AFG3L2: variants seen among roughly 807,000 people sequenced by gnomAD.
AFG3L2 encodes the protein mitochondrial inner membrane m-AAA protease component AFG3L2.
Under a neutral mutation model 94.5 loss-of-function variants are expected in AFG3L2, and 54 were observed. The observed-to-expected ratio is 0.57, with a 90% confidence interval of 0.46 to 0.72. The LOEUF (loss-of-function observed/expected upper bound fraction) is 0.72, where lower values mean the gene tolerates loss of function less well. AFG3L2 is among the 30% of genes least tolerant of loss of function. The pLI is 0.00. For missense variants in AFG3L2, 754 were observed against 994.9 expected (o/e 0.76, Z 3.26); for synonymous variants, 377 against 365.5 (o/e 1.03, Z -0.36).
chr18:12,333,003 A>AAAT (rs1469459397), intron 16 of AFG3L2, among the ~76,000 whole-genome samples: 2 of 62,464 alleles, frequency 3.2e-5, no homozygotes, highest in Non-Finnish European at 7.2e-5. Context: ...TAAATTATAT[A>AAAT]TAATATAAAA....
chr18:12,332,014 A>G (rs1204367945), intron 16 of AFG3L2, among the ~76,000 whole-genome samples: 2 of 152,050 alleles, frequency 1.3e-5, no homozygotes, highest in Non-Finnish European at 2.9e-5. Context: ...GAGTACACAC[A>G]TGGAAGTGTG....
At chr18:12,333,726 T>C (rs1363698653) in intron 16 of AFG3L2, among the ~76,000 whole-genome samples, 2 of 152,192 alleles carry the variant, frequency 1.3e-5, no homozygotes, top group African/African-American at 4.8e-5. Flanking sequence ...CATTCCTTTC[T>C]TCATGCTGAA....
chr18:12,355,933 A>G (rs1908480255), intron 9 of AFG3L2, among the ~76,000 whole-genome samples: 1 of 151,974 alleles, frequency 6.6e-6, no homozygotes, highest in Non-Finnish European at 1.5e-5. Flanking sequence ...TGGCCTCCCA[A>G]AGTGCTGGGA....
At chr18:12,360,913 T>G (rs956926265) in intron 6 of AFG3L2, among the ~76,000 whole-genome samples, 2 of 152,178 alleles carry the variant, frequency 1.3e-5, no homozygotes, top group African/African-American at 4.8e-5. Context: ...GACACTGATT[T>G]TAACAGCTCA....
At chr18:12,376,462 T>A (rs184753023) in intron 1 of AFG3L2, among the ~76,000 whole-genome samples, 10 of 152,288 alleles carry the variant, frequency 6.6e-5, no homozygotes, top group African/African-American at 2.4e-4. Context: ...GAGTCCCTGC[T>A]ATGAAAAGGT....
Position 12,351,162 on chromosome 18 carries a change from C to A in AFG3L2, c.1475G>T (p.Arg492Leu). ...CAGGGTACTGTCCAGTTTTAGCGGT[C>A]GGAGATGAACTTTGAAAATAGAAGC... Reference protein sequence around the residue: ...GRASIFKVHLRPLKLDSTLEK... With the variant: ...GRASIFKVHLLPLKLDSTLEK... The change falls in exon 12 of 17, where the codon CGA (arginine) becomes CTA (leucine). Residue 492 changes from arginine to leucine, a missense_variant. Arg to Leu is a moderately radical substitution (Grantham distance 102). Transcript: ENST00000269143. 2 of 1,613,926 alleles carry A rather than the reference C, an allele frequency of 1.2e-6. No homozygotes were observed. The highest frequency in any genetic ancestry group is 2.7e-5 in the African/African-American group (2 of 74,970).
intron 5 of AFG3L2, among the ~76,000 whole-genome samples, chr18:12,366,194 C>T (rs1427852439): frequency 1.3e-5 from 2 of 152,122 alleles, no homozygotes; most frequent in Non-Finnish European, 2.9e-5. Context: ...AATTCTAAGA[C>T]ACACATTTTT....
Position 12,366,920 on chromosome 18 carries a change from T to A in AFG3L2, c.552+45A>T. On this transcript the variant is annotated intron_variant, in intron 5 of 16. Transcript: ENST00000269143. The stretch of plus-strand genomic sequence containing the variant: ...ACTTCTTTGGTCTAATCTGATGAAT[T>A]TCACCTTTGAACCACAACAGCCACC... The A allele has an allele frequency of 5.6e-6, 9 of 1,609,582 alleles. No homozygotes were observed. The Middle Eastern group carries it at 9.9e-4, about 177-fold the overall frequency.
At chr18:12,357,515 C>T (rs901388482) in intron 8 of AFG3L2, among the ~76,000 whole-genome samples, 1 of 151,994 alleles carries the variant, frequency 6.6e-6, no homozygotes, top group African/African-American at 2.4e-5. Context: ...TGCTTATTTT[C>T]TTCTTTAAAA....
rs1057524515 is a variant in AFG3L2, at chr18:12,340,401, C to T, written c.1780G>A (p.Val594Ile). Residue 594 changes from valine (V) to isoleucine (I), a missense_variant and splice_region_variant, in exon 15 of 17, where the codon GTA becomes ATA. Val to Ile is a conservative substitution (Grantham distance 29). Transcript: ENST00000269143. ...CCTTTGCCACGTGGGATGATGGATA[C>T]CTGGTAAGTAGAAAACAGTGTTGAA... ...YLEHADPLLK[V>I]SIIPRGKGLG... The T allele has an allele frequency of 1.9e-6, 3 of 1,611,904 alleles. 1 individual carries two copies. The highest frequency in any genetic ancestry group is 2.2e-5 in the South Asian group (2 of 91,024).
intron 5 of AFG3L2, among the ~76,000 whole-genome samples, chr18:12,364,747 C>T (rs1908757665): frequency 6.6e-6 from 1 of 152,084 alleles, no homozygotes; most frequent in Non-Finnish European, 1.5e-5. Context: ...CTCACTGCAG[C>T]CTCAACTTCT....
intron 7 of AFG3L2, 117 bp from the exon 8 acceptor site, chr18:12,359,060 T>A: frequency 7.0e-7 from 1 of 1,422,340 alleles, no homozygotes; most frequent in Non-Finnish European, 9.7e-7. Flanking sequence ...CTTCTGCACT[T>A]AATACAAAGG....
chr18:12,375,065 A>C (rs1194544188), intron 1 of AFG3L2, among the ~76,000 whole-genome samples: 1 of 151,414 alleles, frequency 6.6e-6, no homozygotes, highest in Admixed American at 6.6e-5. Context: ...CAAAAAAAAA[A>C]AAAAAAGAAA....
Position 12,367,607 on chromosome 18 carries a change from C to T in AFG3L2, c.293-225G>A, listed in dbSNP as rs73401932. Among the ~76,000 whole-genome samples the T allele has an allele frequency of 0.034, 5,176 of 152,222 alleles. 268 individuals carry two copies. The highest frequency in any genetic ancestry group is 0.12 in the African/African-American group (4,920 of 41,494). On this transcript the variant is annotated intron_variant, in intron 3 of 16. Transcript: ENST00000269143. ...TCATCTCATGAAATATGCACAATAA[C>T]CCAATAACCCAAGAAATTATAGGAC...
At chr18:12,345,712 G>A (rs1908112494) in intron 13 of AFG3L2, among the ~76,000 whole-genome samples, 1 of 152,204 alleles carries the variant, frequency 6.6e-6, no homozygotes, top group South Asian at 2.1e-4. Context: ...GTGGCTGCCC[G>A]CTCTGCCCTG....
intron 12 of AFG3L2, among the ~76,000 whole-genome samples, chr18:12,350,346 C>A (rs898222347): frequency 2.0e-5 from 3 of 152,016 alleles, no homozygotes; most frequent in Non-Finnish European, 4.4e-5. Flanking sequence ...GGTTGTACAA[C>A]CCTGTAAATA....
intron 6 of AFG3L2, among the ~76,000 whole-genome samples, chr18:12,361,567 A>G (rs1908662997): frequency 6.6e-6 from 1 of 152,128 alleles, no homozygotes; most frequent in Non-Finnish European, 1.5e-5. Flanking sequence ...GAACTTCTTG[A>G]ACCTGGGAGG....
chr18:12,339,984 C>T (rs1488976406), intron 15 of AFG3L2, among the ~76,000 whole-genome samples: 1 of 152,164 alleles, frequency 6.6e-6, no homozygotes, highest in East Asian at 1.9e-4. Context: ...AGAGCCACTG[C>T]ACTCCAGCCT....
At chr18:12,345,334 T>C (rs1414901604) in intron 13 of AFG3L2, among the ~76,000 whole-genome samples, 1 of 152,262 alleles carries the variant, frequency 6.6e-6, no homozygotes, top group African/African-American at 2.4e-5. Flanking sequence ...CATACCTCTG[T>C]GCTGTAAAAA....
Sources: gnomAD v4.1 joint callset for allele counts (sites outside exome capture counted in the v4.1 genomes callset) on GRCh38, gnomAD v4.1.1 for gene constraint, MANE v1.5 for transcripts, NCBI Gene and HGNC (gene_info 2026-07-23, HGNC 2026-07-21) for gene names.